IMMP2L: variants seen among roughly 807,000 people sequenced by gnomAD.
The protein encoded by IMMP2L is inner mitochondrial membrane peptidase subunit 2.
In IMMP2L, 18 loss-of-function variants were observed where a neutral mutation model predicts 19.3. That is an observed-to-expected ratio of 0.93 (90% confidence interval 0.64 to 1.38). IMMP2L has a LOEUF of 1.38. Ranked by LOEUF, IMMP2L falls within the 40% of genes most tolerant of loss-of-function variation. The pLI is 0.00. For synonymous variants in IMMP2L, 76 were observed against 73.0 expected (o/e 1.04, Z -0.21); for missense variants, 233 against 218.2 (o/e 1.07, Z -0.43).
rs187660138 is a variant in IMMP2L at position 110,683,469 on chromosome 7, T to C, written c.409-19748A>G. Among the ~76,000 whole-genome samples the C allele has an allele frequency of 8.5e-5, 13 of 152,272 alleles. No individual in the cohort carries two copies. The East Asian group carries it at 2.5e-3, about 29-fold the overall frequency. On this transcript the variant is annotated intron_variant, in intron 5 of 5. Transcript: ENST00000405709. ...AGTGGCTAATATGTATCATTTCTGATAAATAATTGTAAAGCTTTTACTTTA... is the reference window on the plus strand; with the variant it reads ...AGTGGCTAATATGTATCATTTCTGACAAATAATTGTAAAGCTTTTACTTTA...
chr7:110,867,535 C>T (rs1187420884), intron 5 of IMMP2L, among the ~76,000 whole-genome samples: 1 of 151,928 alleles, frequency 6.6e-6, no homozygotes, highest in African/African-American at 2.4e-5. Context: ...AATAAAATGT[C>T]TTTATGTATG....
At chr7:111,277,598 A>C (rs1296876759) in intron 3 of IMMP2L, among the ~76,000 whole-genome samples, 1 of 151,542 alleles carries the variant, frequency 6.6e-6, no homozygotes, top group African/African-American at 2.4e-5. Flanking sequence ...TGAAAACAAC[A>C]GATGTTGGCA....
chr7:111,439,483 G>A (rs542631064), intron 3 of IMMP2L, among the ~76,000 whole-genome samples: 5 of 151,928 alleles, frequency 3.3e-5, no homozygotes, highest in Admixed American at 3.3e-4. Flanking sequence ...GTTTCACAGT[G>A]TATATAAAAG....
At chr7:111,235,357 G>A (rs1049250610) in intron 3 of IMMP2L, among the ~76,000 whole-genome samples, 4 of 151,838 alleles carry the variant, frequency 2.6e-5, no homozygotes, top group Admixed American at 2.6e-4. Flanking sequence ...TGTAATCCCC[G>A]CTACTCGGGA....
intron 3 of IMMP2L, among the ~76,000 whole-genome samples, chr7:111,242,435 C>T (rs1473369254): frequency 6.6e-6 from 1 of 151,950 alleles, no homozygotes; most frequent in African/African-American, 2.4e-5. Flanking sequence ...CTCCAGAGCA[C>T]AAAAGAGAAC....
intron 3 of IMMP2L, among the ~76,000 whole-genome samples, chr7:111,363,135 A>G (rs1829421195): frequency 6.6e-6 from 1 of 152,114 alleles, no homozygotes; most frequent in African/African-American, 2.4e-5. Context: ...CATTCACAGA[A>G]AACAATCATA....
chr7:111,529,744 G>C (rs1241000927), intron 1 of IMMP2L, among the ~76,000 whole-genome samples: 1 of 152,156 alleles, frequency 6.6e-6, no homozygotes, highest in Non-Finnish European at 1.5e-5. Flanking sequence ...CTTTCATGGA[G>C]ATAATTGTGA....
Position 111,453,747 on chromosome 7 carries a change from C to G in IMMP2L, c.239+33491G>C, listed in dbSNP as rs184532505. ...CAATGTCTTGATCCAACCCAAGAAT[C>G]ACTCTAACACGGCAAAACTCAATCC... On this transcript the variant is annotated intron_variant, in intron 3 of 5. Coordinates refer to ENST00000405709, the MANE Select transcript of IMMP2L (RefSeq NM_032549.4). Among the ~76,000 whole-genome samples the G allele has an allele frequency of 2.0e-5, 3 of 152,206 alleles. No homozygotes were observed. In the East Asian group the frequency reaches 5.8e-4, roughly 29 times the overall value.
intron 3 of IMMP2L, among the ~76,000 whole-genome samples, chr7:111,224,265 A>T (rs1812843023): frequency 6.6e-6 from 1 of 152,158 alleles, no homozygotes; most frequent in Non-Finnish European, 1.5e-5. Flanking sequence ...CCCTTTCAGA[A>T]CTAAAGAGTA....
At chr7:110,706,632 G>A (rs1794701463) in intron 5 of IMMP2L, among the ~76,000 whole-genome samples, 1 of 152,048 alleles carries the variant, frequency 6.6e-6, no homozygotes, top group South Asian at 2.1e-4. Flanking sequence ...TTTCATGCTT[G>A]TTGGCTACTT....
chr7:110,717,430 G>A (rs1052089728), intron 5 of IMMP2L, among the ~76,000 whole-genome samples: 1 of 152,160 alleles, frequency 6.6e-6, no homozygotes, highest in Non-Finnish European at 1.5e-5. Context: ...GCGCCACTGC[G>A]CTCCAGCCTG....
At chr7:111,516,613 G>C (rs1205203286) in intron 2 of IMMP2L, among the ~76,000 whole-genome samples, 2 of 152,026 alleles carry the variant, frequency 1.3e-5, no homozygotes, top group Non-Finnish European at 2.9e-5. Context: ...CATGGGAAGT[G>C]AAGAAAAATC....
intron 3 of IMMP2L, among the ~76,000 whole-genome samples, chr7:110,969,847 G>C (rs1819955004): frequency 6.6e-6 from 1 of 152,194 alleles, no homozygotes; most frequent in Admixed American, 6.5e-5. Context: ...AGAGATTCCA[G>C]TCAGGTTTCT....
At chr7:111,282,505 T>G (rs552484649) in intron 3 of IMMP2L, among the ~76,000 whole-genome samples, 2 of 152,284 alleles carry the variant, frequency 1.3e-5, no homozygotes, top group African/African-American at 4.8e-5. Context: ...ACTTAAATAT[T>G]TGAAATAAAA....
intron 2 of IMMP2L, among the ~76,000 whole-genome samples, chr7:111,500,032 G>T (rs1018597743): frequency 6.6e-6 from 1 of 152,112 alleles, no homozygotes; most frequent in African/African-American, 2.4e-5. Context: ...AAGCACAAGG[G>T]GTCAGGGAGT....
intron 3 of IMMP2L, among the ~76,000 whole-genome samples, chr7:111,163,156 C>T (rs906184614): frequency 6.6e-6 from 1 of 152,106 alleles, no homozygotes; most frequent in African/African-American, 2.4e-5. Flanking sequence ...ACAACTGTCA[C>T]TCTCACTCCC....
chr7:110,847,235 A>G (rs1232597124), intron 5 of IMMP2L, among the ~76,000 whole-genome samples: 2 of 152,160 alleles, frequency 1.3e-5, no homozygotes, highest in Non-Finnish European at 2.9e-5. Context: ...GAGTTCTTAG[A>G]CCATAATACA....
chr7:111,464,026 T>C (rs773386538), intron 3 of IMMP2L, among the ~76,000 whole-genome samples: 1 of 152,296 alleles, frequency 6.6e-6, no homozygotes, highest in Admixed American at 6.5e-5. Flanking sequence ...TTCACACTTA[T>C]ATCTTAATCT....
intron 3 of IMMP2L, among the ~76,000 whole-genome samples, chr7:110,990,752 AAC>A (rs1395412027): frequency 6.6e-6 from 1 of 152,144 alleles, no homozygotes; most frequent in African/African-American, 2.4e-5. Flanking sequence ...TGGCTTTTAA[AAC>A]ACAAACCTGG....
Sources: allele counts gnomAD v4.1 joint callset (sites outside exome capture counted in the v4.1 genomes callset), GRCh38; gene constraint gnomAD v4.1.1; transcripts MANE v1.5; gene names NCBI Gene and HGNC (gene_info 2026-07-23, HGNC 2026-07-21).